Variants in WLS observed in about 807,000 individuals in gnomAD.
The protein encoded by WLS is Wnt ligand secretion mediator, also known as protein wntless homolog.
In WLS, 23 loss-of-function variants were observed where a neutral mutation model predicts 62.8. The ratio of observed to expected loss-of-function variants is 0.37; its 90% confidence interval spans 0.26 to 0.52. The LOEUF (loss-of-function observed/expected upper bound fraction) is 0.52, where lower values mean the gene tolerates loss of function less well. WLS is among the 20% of genes least tolerant of loss of function. The pLI is 0.92. For missense variants in WLS, 615 were observed against 697.3 expected (o/e 0.88, Z 1.33); for synonymous variants, 246 against 244.1 (o/e 1.01, Z -0.07).
chr1:68,119,553 C>G (rs1470428156), intron 11 of WLS, among the ~76,000 whole-genome samples: 1 of 152,220 alleles, frequency 6.6e-6, no homozygotes, highest in Admixed American at 6.5e-5. Context: ...GAGTGGCTCT[C>G]TCTCACAGCT....
chr1:68,160,124 A>G (rs1446514346), intron 2 of WLS, among the ~76,000 whole-genome samples: 1 of 149,168 alleles, frequency 6.7e-6, no homozygotes, highest in African/African-American at 2.5e-5. Flanking sequence ...ATTTAAAAAG[A>G]AAGTCCATTA....
In WLS at chr1:68,125,606, G is replaced by T. The variant is rs779542466; in HGVS notation, c.*620C>A. On this transcript the variant is annotated 3_prime_UTR_variant, in exon 12 of 12. Transcript: ENST00000262348. ...CAGATTGGTTAGTATTAGATACACA[G>T]ATTTGGTTTCAAAGCTGAAATACCC... The T allele has an allele frequency of 1.7e-5, 17 of 985,392 alleles. No individual in the cohort carries two copies. The highest frequency in any genetic ancestry group is 5.2e-4 in the Middle Eastern group (1 of 1,936). 61.0% of individuals were successfully genotyped at this position (985,392 alleles called of 1,614,324 possible). A position where few individuals can be genotyped will look rare whatever the true frequency, so the allele number is the denominator to read the frequency against.
At chr1:68,162,642 T>C (rs796239487) in intron 2 of WLS, 1 of 1,237,684 alleles carries the variant, frequency 8.1e-7, no homozygotes, top group Non-Finnish European at 1.2e-6. Flanking sequence ...GGTACAGCCA[T>C]GTGTTCCTCT....
In WLS at chr1:68,126,384, C is replaced by A; in HGVS notation, c.1517-49G>T. 4 of 1,609,132 alleles carry A rather than the reference C, an allele frequency of 2.5e-6. No homozygotes were observed. In the South Asian group the frequency reaches 4.4e-5, roughly 18 times the overall value. On this transcript the variant is annotated intron_variant, in intron 11 of 11. Transcript: ENST00000262348. ...GATGCATTCAAGGAGGAAGGAGAAG[C>A]AAGCTGGGGTTCATCTCATGGACAA... is the stretch of plus-strand genomic sequence containing the variant.
chr1:68,220,349 A>T (rs1174533840), intron 1 of WLS, among the ~76,000 whole-genome samples: 1 of 152,242 alleles, frequency 6.6e-6, no homozygotes, highest in Non-Finnish European at 1.5e-5. Context: ...AATTATGGGC[A>T]ACCTCTCCTT....
chr1:68,177,004 A>C (rs1046196137), intron 2 of WLS, among the ~76,000 whole-genome samples: 4 of 151,862 alleles, frequency 2.6e-5, no homozygotes, highest in African/African-American at 9.7e-5. Context: ...CCACTCTTCC[A>C]CTCCAAGAGG....
intron 2 of WLS, among the ~76,000 whole-genome samples, chr1:68,173,686 C>G (rs1647188312): frequency 1.3e-5 from 2 of 152,150 alleles, no homozygotes; most frequent in Non-Finnish European, 2.9e-5. Flanking sequence ...TCCCAAAATC[C>G]TGACGAAACC....
chr1:68,115,919 G>A (rs191168026), intron 11 of WLS, among the ~76,000 whole-genome samples: 3 of 152,218 alleles, frequency 2.0e-5, no homozygotes, highest in Admixed American at 6.5e-5. Context: ...CTCCCTCCTG[G>A]CAGCAGTCGT....
intron 2 of WLS, among the ~76,000 whole-genome samples, chr1:68,189,474 CTAAG>C (rs1243721884): frequency 5.3e-5 from 8 of 151,814 alleles, no homozygotes; most frequent in Admixed American, 3.9e-4. Context: ...AAACTTTATT[CTAAG>C]TATGTATATA....
chr1:68,201,467 T>C (rs1649012541), intron 1 of WLS, among the ~76,000 whole-genome samples: 1 of 152,256 alleles, frequency 6.6e-6, no homozygotes, highest in African/African-American at 2.4e-5. Flanking sequence ...GATTCTCCTA[T>C]ATTTCAACCA....
At chr1:68,202,555 A>T (rs1326949894) in intron 1 of WLS, 2 of 152,212 alleles carry the variant, frequency 1.3e-5, no homozygotes, top group Non-Finnish European at 2.9e-5. Context: ...AATTAAATAC[A>T]TATGAAGTGA....
intron 11 of WLS, among the ~76,000 whole-genome samples, chr1:68,106,791 G>T (rs1202107888): frequency 6.6e-6 from 1 of 151,776 alleles, no homozygotes; most frequent in African/African-American, 2.4e-5. Flanking sequence ...GAGGCTACTG[G>T]TATGCAGTGT....
At chr1:68,151,242 G>T (rs1646821763) in intron 5 of WLS, among the ~76,000 whole-genome samples, 1 of 152,198 alleles carries the variant, frequency 6.6e-6, no homozygotes, top group South Asian at 2.1e-4. Context: ...AGGCATAGAG[G>T]CCTGGAAGAA....
intron 1 of WLS, among the ~76,000 whole-genome samples, chr1:68,229,270 C>A (rs1407078881): frequency 6.6e-6 from 1 of 152,116 alleles, no homozygotes; most frequent in Non-Finnish European, 1.5e-5. Flanking sequence ...CCCTTACAAA[C>A]AAGAGCTTTG....
chr1:68,228,940 T>C (rs1650288192), intron 1 of WLS, among the ~76,000 whole-genome samples: 1 of 131,896 alleles, frequency 7.6e-6, no homozygotes, highest in Admixed American at 8.9e-5. Context: ...AATAGGAGAA[T>C]ATTTAAGCTG....
intron 10 of WLS, among the ~76,000 whole-genome samples, chr1:68,143,438 C>T (rs1646713368): frequency 6.6e-6 from 1 of 152,230 alleles, no homozygotes; most frequent in Admixed American, 6.5e-5. Context: ...CTGCTAACTA[C>T]ATTTGGTTGC....
chr1:68,226,420 TAGAC>T (rs1650144122), intron 1 of WLS, among the ~76,000 whole-genome samples: 3 of 152,232 alleles, frequency 2.0e-5, no homozygotes, highest in Non-Finnish European at 4.4e-5. Context: ...CAGATGAAAT[TAGAC>T]AGGCTTTGGC....
At chr1:68,206,169 A>G (rs1313603093) in intron 1 of WLS, among the ~76,000 whole-genome samples, 1 of 152,254 alleles carries the variant, frequency 6.6e-6, no homozygotes, top group Non-Finnish European at 1.5e-5. Flanking sequence ...TCACTAAGAC[A>G]GGAATCAAAG....
At chr1:68,108,977 A>G (rs776207285) in intron 11 of WLS, among the ~76,000 whole-genome samples, 26 of 152,240 alleles carry the variant, frequency 1.7e-4, no homozygotes, top group Non-Finnish European at 2.9e-4. Flanking sequence ...ATGAAATATT[A>G]TGAAATGCTT....
Sources: gnomAD v4.1 joint callset for allele counts (sites outside exome capture counted in the v4.1 genomes callset) on GRCh38, gnomAD v4.1.1 for gene constraint, MANE v1.5 for transcripts, NCBI Gene and HGNC (gene_info 2026-07-23, HGNC 2026-07-21) for gene names.